The following MCTP1 variants were observed in gnomAD, a reference collection of about 807,000 sequenced individuals.
MCTP1 encodes multiple C2 and transmembrane domain-containing protein 1.
Under a neutral mutation model 120.6 loss-of-function variants are expected in MCTP1, and 69 were observed. The ratio of observed to expected loss-of-function variants is 0.57; its 90% CI spans 0.47 to 0.70. The LOEUF (loss-of-function observed/expected upper bound fraction) is 0.70. Ranked by LOEUF, MCTP1 falls within the 30% of genes least tolerant of loss-of-function variation. The pLI, the probability that MCTP1 is intolerant of heterozygous loss-of-function variation, is 0.00. For synonymous variants in MCTP1, 529 were observed against 493.1 expected, an observed-to-expected ratio of 1.07 and a Z score of -0.96; for missense variants, 1,203 against 1,248.8, an observed-to-expected ratio of 0.96 and a Z score of 0.55.
At chr5:94,871,237 T>C (rs1435184100) in intron 14 of MCTP1, 78 bp downstream of exon 14, 1 of 929,508 alleles carries the variant, frequency 1.1e-6, no homozygotes, top group African/African-American at 1.7e-5. Context: ...GACACAGAGC[T>C]GAGAGTTTTC....
In MCTP1 at chr5:94,706,057, A is replaced by ATTGT. The variant is rs1754501930; in HGVS notation, c.*1435_*1438dup. 2 of 151,724 alleles carry ATTGT rather than the reference A, an allele frequency of 1.3e-5. 1 individual carries two copies. The highest frequency in any genetic ancestry group is 4.8e-5 in the African/African-American group (2 of 41,394). The allele number at this position is 151,724 out of a possible 1,614,324, so 9.4% of individuals were successfully genotyped here. On this transcript the variant is annotated 3_prime_UTR_variant, in exon 23 of 23. Transcript: ENST00000515393. Reference sequence around the variant, plus strand: ...AATCAGCTTCAATGAGATTACATTTATTGTTAAAGAATCTTCCTTTAGAGT... The same window carrying ATTGT: ...AATCAGCTTCAATGAGATTACATTTATTGTTTGTTAAAGAATCTTCCTTTAGAGT...
At chr5:94,861,350 T>C (rs1795743079) in intron 17 of MCTP1, among the ~76,000 whole-genome samples, 1 of 151,842 alleles carries the variant, frequency 6.6e-6, no homozygotes, top group Non-Finnish European at 1.5e-5. Context: ...CATTCATAAT[T>C]GTAACGAATA....
intron 1 of MCTP1, among the ~76,000 whole-genome samples, chr5:95,272,996 A>G (rs458663): frequency 0.86 from 130,590 of 152,294 alleles, 56,129 homozygotes; most frequent in African/African-American, 0.92. Context: ...GTAGAGGAAA[A>G]CAAAGAAGAA....
At chr5:95,254,085 C>G (rs1353266606) in intron 1 of MCTP1, among the ~76,000 whole-genome samples, 1 of 152,122 alleles carries the variant, frequency 6.6e-6, no homozygotes, top group Non-Finnish European at 1.5e-5. Flanking sequence ...TCATAATGAA[C>G]TAACAGAGCT....
At chr5:94,909,463 G>A in intron 9 of MCTP1, 82 bp from the exon 10 acceptor site, 1 of 1,396,348 alleles carries the variant, frequency 7.2e-7, no homozygotes, top group Non-Finnish European at 9.7e-7. Context: ...TCAAACTTTT[G>A]GTACTATAGT....
intron 17 of MCTP1, among the ~76,000 whole-genome samples, chr5:94,866,059 C>T (rs1796733701): frequency 6.6e-6 from 1 of 151,834 alleles, no homozygotes; most frequent in Admixed American, 6.6e-5. Flanking sequence ...ATGGAAACGC[C>T]AGGAAAATTT....
chr5:94,871,268 G>C (rs374559268), intron 14 of MCTP1, 47 bp downstream of exon 14: 78 of 1,084,876 alleles, frequency 7.2e-5, no homozygotes, highest in Non-Finnish European at 1.0e-4. Context: ...TTTTTTTTCC[G>C]TGAGCAAAAG....
intron 1 of MCTP1, among the ~76,000 whole-genome samples, chr5:95,059,853 T>C (rs1748461807): frequency 6.6e-6 from 1 of 152,132 alleles, no homozygotes; most frequent in African/African-American, 2.4e-5. Flanking sequence ...GTAAAACCCC[T>C]CACACTTTCT....
chr5:95,203,297 T>A (rs1751275509), intron 1 of MCTP1, among the ~76,000 whole-genome samples: 1 of 152,238 alleles, frequency 6.6e-6, no homozygotes. Context: ...CTGTGCTATG[T>A]TTCTATAATG....
chr5:95,090,410 A>G (rs1401219323), intron 1 of MCTP1, among the ~76,000 whole-genome samples: 3 of 152,114 alleles, frequency 2.0e-5, no homozygotes, highest in Non-Finnish European at 1.5e-5. Flanking sequence ...ATCCTTCTCA[A>G]TCTTGTTTTC....
At chr5:95,077,173 T>C (rs1753780513) in intron 1 of MCTP1, among the ~76,000 whole-genome samples, 1 of 152,226 alleles carries the variant, frequency 6.6e-6, no homozygotes, top group South Asian at 2.1e-4. Context: ...AGAGATGCTA[T>C]ATACTTTTGT....
At chr5:94,953,854 T>C (rs1287588566) in intron 2 of MCTP1, among the ~76,000 whole-genome samples, 3 of 112,952 alleles carry the variant, frequency 2.7e-5, no homozygotes, top group African/African-American at 6.5e-5. Context: ...CACAACTATA[T>C]ATATGCATAT....
intron 19 of MCTP1, among the ~76,000 whole-genome samples, chr5:94,744,821 G>A (rs985138118): frequency 6.6e-6 from 1 of 152,048 alleles, no homozygotes; most frequent in Non-Finnish European, 1.5e-5. Context: ...CCAATAGGTA[G>A]TTCTTGACTG....
At chr5:94,727,942 G>A (rs1007286844) in intron 19 of MCTP1, among the ~76,000 whole-genome samples, 1 of 152,140 alleles carries the variant, frequency 6.6e-6, no homozygotes, top group African/African-American at 2.4e-5. Flanking sequence ...TAAAGGGCCT[G>A]GCAAATTTGA....
intron 6 of MCTP1, among the ~76,000 whole-genome samples, chr5:94,929,092 A>G (rs1258372838): frequency 6.6e-6 from 1 of 152,194 alleles, no homozygotes; most frequent in East Asian, 1.9e-4. Context: ...AAATTCCATG[A>G]GCTGATTCAC....
intron 2 of MCTP1, among the ~76,000 whole-genome samples, chr5:94,996,774 T>C (rs1832705980): frequency 6.6e-6 from 1 of 152,176 alleles, no homozygotes; most frequent in African/African-American, 2.4e-5. Context: ...AGTTTTGATA[T>C]TAACAGTAGT....
chr5:95,209,232 G>A (rs531344737), intron 1 of MCTP1, among the ~76,000 whole-genome samples: 12 of 152,148 alleles, frequency 7.9e-5, no homozygotes, highest in Admixed American at 2.6e-4. Flanking sequence ...AAGTTTTGCC[G>A]CCTCCTCTTG....
intron 2 of MCTP1, among the ~76,000 whole-genome samples, chr5:94,991,399 A>C (rs545045583): frequency 2.4e-4 from 36 of 152,332 alleles, no homozygotes; most frequent in Admixed American, 1.0e-3. Flanking sequence ...GAGCAGTGAA[A>C]CTGAAATCAG....
chr5:95,071,486 A>C (rs1371414294), intron 1 of MCTP1, among the ~76,000 whole-genome samples: 1 of 152,230 alleles, frequency 6.6e-6, no homozygotes, highest in African/African-American at 2.4e-5. Flanking sequence ...TATAAATATA[A>C]GTTAACTTCC....
Sources: gnomAD v4.1 joint callset for allele counts (sites outside exome capture counted in the v4.1 genomes callset) on GRCh38, gnomAD v4.1.1 for gene constraint, MANE v1.5 for transcripts, NCBI Gene and HGNC (gene_info 2026-07-23, HGNC 2026-07-21) for gene names.